Variants in NWD2 observed in about 807,000 individuals in gnomAD.
NWD2 encodes the protein NACHT and WD repeat domain-containing protein 2.
In NWD2, 37 loss-of-function variants were observed where a neutral mutation model predicts 132.7. That is an observed-to-expected ratio of 0.28 (90% confidence interval 0.21 to 0.37). The LOEUF (loss-of-function observed/expected upper bound fraction) is 0.37, where lower values mean the gene tolerates loss of function less well. Among genes scored for constraint, NWD2 ranks in the 10% least tolerant of loss-of-function variants. The probability of loss-of-function intolerance (pLI) is 1.00; values close to 1 mark genes in which losing one functional copy is unlikely to be tolerated. For synonymous variants in NWD2, 705 were observed against 803.0 expected (o/e 0.88, Z 2.06); for missense variants, 1,592 against 2,122.4 (o/e 0.75, Z 4.91).
At chr4:37,281,253 A>G (rs1718122552) in intron 1 of NWD2, among the ~76,000 whole-genome samples, 1 of 152,174 alleles carries the variant, frequency 6.6e-6, no homozygotes, top group Admixed American at 6.5e-5. Flanking sequence ...TAAACTACCC[A>G]GTGGGTGTCC....
chr4:37,413,169 T>A (rs1721196932), intron 3 of NWD2, among the ~76,000 whole-genome samples: 1 of 152,152 alleles, frequency 6.6e-6, no homozygotes, highest in Admixed American at 6.5e-5. Context: ...GAAACTATTA[T>A]CAGAGTGAAC....
chr4:37,313,620 G>C (rs1310106264), intron 1 of NWD2, among the ~76,000 whole-genome samples: 1 of 150,894 alleles, frequency 6.6e-6, no homozygotes, highest in Non-Finnish European at 1.5e-5. Context: ...TTTAGCTGTA[G>C]GGATTTTTGA....
At chr4:37,260,388 C>T (rs1315129488) in intron 1 of NWD2, among the ~76,000 whole-genome samples, 1 of 152,136 alleles carries the variant, frequency 6.6e-6, no homozygotes, top group Non-Finnish European at 1.5e-5. Flanking sequence ...TTCCATTTCT[C>T]TGAAACTCCC....
At position 37,381,125 on chromosome 4, in the gene NWD2, C is replaced by A. The variant is rs760655560; in HGVS notation, c.357+24643C>A. On this transcript the variant is annotated intron_variant, in intron 3 of 6. Coordinates refer to ENST00000309447, the MANE Select transcript of NWD2 (RefSeq NM_001144990.2). The stretch of plus-strand genomic sequence containing the variant: ...CGTCAAGCCTCCCCCCAAGCCCTAG[C>A]CCCACCCCAAGAAGCCTGAAATGTG... Among the ~76,000 whole-genome samples, 57 of 152,264 alleles carry A rather than the reference C, an allele frequency of 3.7e-4. 1 individual carries two copies. The highest frequency in any genetic ancestry group is 5.3e-4 in the Non-Finnish European group (36 of 68,012).
intron 1 of NWD2, among the ~76,000 whole-genome samples, chr4:37,324,355 T>G (rs1400977307): frequency 2.0e-5 from 3 of 152,150 alleles, no homozygotes; most frequent in Admixed American, 6.6e-5. Flanking sequence ...TTGAATATAT[T>G]TTTATCTTCT....
intron 2 of NWD2, among the ~76,000 whole-genome samples, chr4:37,330,386 C>T (rs1719267246): frequency 6.6e-6 from 1 of 152,014 alleles, no homozygotes; most frequent in Non-Finnish European, 1.5e-5. Flanking sequence ...CTAAGGGCCT[C>T]CAGCTACAGA....
intron 3 of NWD2, among the ~76,000 whole-genome samples, chr4:37,424,183 G>A (rs1373661317): frequency 1.3e-5 from 2 of 152,166 alleles, no homozygotes. Context: ...GTGCCCCATG[G>A]AGTTCTGCAG....
At chr4:37,351,883 A>C (rs2376783) in intron 2 of NWD2, among the ~76,000 whole-genome samples, 8 of 152,088 alleles carry the variant, frequency 5.3e-5, no homozygotes, top group Non-Finnish European at 1.2e-4. Context: ...TTGTGTCTTC[A>C]TTCTCATTGG....
chr4:37,299,961 C>G (rs888395369), intron 1 of NWD2, among the ~76,000 whole-genome samples: 9 of 152,126 alleles, frequency 5.9e-5, no homozygotes, highest in Non-Finnish European at 1.2e-4. Context: ...AACCCCCATA[C>G]ACTATACTGT....
intron 6 of NWD2, among the ~76,000 whole-genome samples, chr4:37,441,452 G>A (rs1712481805): frequency 6.6e-6 from 1 of 152,188 alleles, no homozygotes; most frequent in African/African-American, 2.4e-5. Flanking sequence ...GCCGCTGGAG[G>A]AAACAAATAT....
intron 3 of NWD2, among the ~76,000 whole-genome samples, chr4:37,415,082 G>A (rs1427958016): frequency 6.6e-6 from 1 of 152,092 alleles, no homozygotes; most frequent in South Asian, 2.1e-4. Context: ...AGTATAAAAG[G>A]CAATTTAGGC....
In NWD2 at chr4:37,445,074, C is replaced by T. The variant is rs768416862; in HGVS notation, c.3086C>T (p.Thr1029Ile). 122 of 1,551,692 alleles carry T rather than the reference C, an allele frequency of 7.9e-5. 1 individual carries two copies. The highest frequency in any genetic ancestry group is 1.0e-4 in the Non-Finnish European group (116 of 1,147,040). The change falls in exon 7 of 7, where the codon ACA becomes ATA. Residue 1029 changes from threonine to isoleucine, a missense_variant. Physicochemically the swap from Thr to Ile is moderately conservative, Grantham distance 89. Around this residue, in one of 7 missense-constraint regions of NWD2, gnomAD observed 1,071 missense variants for 1,398.0 expected, o/e 0.77. Transcript: ENST00000309447. This position sits in a 1 kb window ranked among gnomAD's most constrained non-coding sequence, Gnocchi z 4.7. ...SDEKYLVVAT[T>I]NNTLLIYDNV... Reference sequence around the variant, plus strand: ...GAAAAGTACCTTGTGGTGGCTACAACAAATAACACCTTGTTGATTTATGAC... The same window carrying T: ...GAAAAGTACCTTGTGGTGGCTACAATAAATAACACCTTGTTGATTTATGAC...
At chr4:37,408,292 G>A (rs11935899) in intron 3 of NWD2, among the ~76,000 whole-genome samples, 31,049 of 152,048 alleles carry the variant, frequency 0.2, 4,849 homozygotes, top group African/African-American at 0.43. Context: ...TGAAATTCTC[G>A]CTGCCAGCAC....
chr4:37,444,192 G>A lies in NWD2; in HGVS notation c.2204G>A (p.Arg735Lys). The A allele has an allele frequency of 1.3e-6, 2 of 1,551,656 alleles. No individual in the cohort carries two copies. Among genetic ancestry groups the A allele is most frequent in the Non-Finnish European group, 1.7e-6 (2 of 1,146,974 alleles). Residue 735 changes from arginine (R) to lysine (K), a missense_variant, in exon 7 of 7, where the codon AGA becomes AAA. By Grantham distance (26) the Arg-to-Lys change is conservative (BLOSUM62 2). This residue lies in a region of NWD2 where 1,071 missense variants were observed against 1,398.0 expected (regional missense o/e 0.77). Coordinates refer to ENST00000309447, the MANE Select transcript of NWD2 (RefSeq NM_001144990.2). The surrounding 1 kb of genome is among the most constrained non-coding windows in gnomAD (Gnocchi z 4.8). ...KNVTLLVWAN[R>K]HLQLIAQKLY... ...GTCACACTCCTAGTCTGGGCCAACA[G>A]ACACCTGCAGCTCATAGCCCAGAAG...
intron 1 of NWD2, among the ~76,000 whole-genome samples, chr4:37,320,296 G>A (rs1719042929): frequency 6.6e-6 from 1 of 152,218 alleles, no homozygotes; most frequent in African/African-American, 2.4e-5. Flanking sequence ...GTGATCAGCA[G>A]TAGAAGATAG....
chr4:37,386,279 C>CAA (rs1284763684), intron 3 of NWD2, among the ~76,000 whole-genome samples: 4 of 152,010 alleles, frequency 2.6e-5, no homozygotes, highest in Non-Finnish European at 5.9e-5. Flanking sequence ...CACACACACA[C>CAA]ACACACATAA....
intron 1 of NWD2, among the ~76,000 whole-genome samples, chr4:37,287,346 G>GC (rs1251301383): frequency 6.6e-6 from 1 of 152,118 alleles, no homozygotes; most frequent in Non-Finnish European, 1.5e-5. Flanking sequence ...TTTTGCGACG[G>GC]GGGGCAGCAG....
intron 1 of NWD2, among the ~76,000 whole-genome samples, chr4:37,310,995 T>G (rs4832894): frequency 0.072 from 10,913 of 151,798 alleles, 1,211 homozygotes; most frequent in African/African-American, 0.23. Flanking sequence ...AGTATTCCAT[T>G]GTGTATATGT....
At chr4:37,368,526 G>A (rs755434278) in intron 3 of NWD2, among the ~76,000 whole-genome samples, 37 of 152,124 alleles carry the variant, frequency 2.4e-4, no homozygotes, top group Non-Finnish European at 4.6e-4. Flanking sequence ...AGGTGTGCGT[G>A]CGGCTAAATA....
Sources: allele counts gnomAD v4.1 joint callset (sites outside exome capture counted in the v4.1 genomes callset), GRCh38; gene constraint gnomAD v4.1.1; regional missense constraint gnomAD v4.1.1; non-coding constraint Gnocchi (gnomAD v3.1); transcripts MANE v1.5; gene names NCBI Gene and HGNC (gene_info 2026-07-23, HGNC 2026-07-21).